PTPRD: variants seen among roughly 807,000 people sequenced by gnomAD.
The protein encoded by PTPRD is protein tyrosine phosphatase receptor type D.
PTPRD carries 34 observed loss-of-function variants against 214.5 expected under a neutral mutation model. That is an observed-to-expected ratio of 0.16 (90% CI 0.12 to 0.21). The LOEUF (loss-of-function observed/expected upper bound fraction) is 0.21. Ranked by LOEUF, PTPRD falls within the 10% of genes least tolerant of loss-of-function variation. The pLI is 1.00. For missense variants in PTPRD, 2,545 were observed against 2,398.7 expected, an observed-to-expected ratio of 1.06 and a Z score of -1.27; for synonymous variants, 1,128 against 845.7, an observed-to-expected ratio of 1.33 and a Z score of -5.79.
chr9:9,998,121 A>ATATATATATATAT (rs1326721044), intron 4 of PTPRD, among the ~76,000 whole-genome samples: 1 of 50,246 alleles, frequency 2.0e-5, no homozygotes, highest in African/African-American at 1.0e-4. Flanking sequence ...ATAATAAAAA[A>ATATATATATATAT]AAAAAAAAAT....
At chr9:8,845,630 T>G (rs114059695) in intron 11 of PTPRD, among the ~76,000 whole-genome samples, 1,524 of 151,018 alleles carry the variant, frequency 0.01, 26 homozygotes, top group African/African-American at 0.035. Context: ...AAAACAAGAT[T>G]AGATACTGCA....
intron 11 of PTPRD, among the ~76,000 whole-genome samples, chr9:9,004,025 T>C (rs1288520072): frequency 1.3e-5 from 2 of 152,106 alleles, no homozygotes; most frequent in Non-Finnish European, 2.9e-5. Context: ...CAAAGACCAA[T>C]ACTGAGTATT....
In PTPRD at chr9:9,648,696, C is replaced by A. The variant is rs138936650; in HGVS notation, c.-286-73915G>T. Among the ~76,000 whole-genome samples, 979 of 152,186 alleles carry A rather than the reference C, an allele frequency of 6.4e-3. 8 individuals are homozygous for A. The highest frequency in any genetic ancestry group is 0.023 in the African/African-American group (946 of 41,526). ...CTATATTTATTGAAAACTAATTAGCCATGAATTGCAGGGAAATTGCTTGAA... is the reference window on the plus strand; with the variant it reads ...CTATATTTATTGAAAACTAATTAGCAATGAATTGCAGGGAAATTGCTTGAA... On this transcript the variant is annotated intron_variant, in intron 7 of 45. Transcript: ENST00000381196.
intron 9 of PTPRD, among the ~76,000 whole-genome samples, chr9:9,225,945 G>T (rs1057003206): frequency 2.6e-5 from 4 of 152,066 alleles, no homozygotes; most frequent in Admixed American, 2.6e-4. Context: ...GACAGCAGCA[G>T]GAACTCCTAA....
At chr9:10,358,667 T>C (rs1160108300) in intron 2 of PTPRD, among the ~76,000 whole-genome samples, 1 of 151,978 alleles carries the variant, frequency 6.6e-6, no homozygotes, top group South Asian at 2.1e-4. Flanking sequence ...TAGCTCAGTA[T>C]ACACCATCTT....
chr9:9,552,906 C>T (rs1414862077), intron 8 of PTPRD, among the ~76,000 whole-genome samples: 1 of 152,056 alleles, frequency 6.6e-6, no homozygotes, highest in Non-Finnish European at 1.5e-5. Context: ...CACAGACAAG[C>T]TCTACTGACA....
intron 7 of PTPRD, among the ~76,000 whole-genome samples, chr9:9,643,195 T>C (rs1430854529): frequency 6.6e-6 from 1 of 152,110 alleles, no homozygotes; most frequent in Admixed American, 6.5e-5. Context: ...AGAATGTCCT[T>C]TGCAAAATCC....
chr9:9,711,842 C>T (rs140374097), intron 7 of PTPRD, among the ~76,000 whole-genome samples: 41 of 152,242 alleles, frequency 2.7e-4, no homozygotes, highest in Admixed American at 5.9e-4. Context: ...CACACAGCCT[C>T]AATAATTAGA....
intron 8 of PTPRD, among the ~76,000 whole-genome samples, chr9:9,534,916 G>T (rs922273253): frequency 6.6e-6 from 1 of 152,006 alleles, no homozygotes; most frequent in Non-Finnish European, 1.5e-5. Context: ...CGTATCTGCT[G>T]TGTGCTTACT....
intron 10 of PTPRD, among the ~76,000 whole-genome samples, chr9:9,042,360 T>G (rs1281883251): frequency 6.6e-6 from 1 of 152,162 alleles, no homozygotes; most frequent in Non-Finnish European, 1.5e-5. Context: ...GCTGCAAGAT[T>G]GGGACTAGGA....
At chr9:10,194,328 A>ATG (rs2099387318) in intron 3 of PTPRD, among the ~76,000 whole-genome samples, 1 of 55,826 alleles carries the variant, frequency 1.8e-5, no homozygotes, top group African/African-American at 6.8e-5. Context: ...ATATATATAT[A>ATG]TATATATATA....
chr9:8,747,031 G>C (rs1428929387), intron 11 of PTPRD, among the ~76,000 whole-genome samples: 2 of 152,122 alleles, frequency 1.3e-5, no homozygotes, highest in East Asian at 3.9e-4. Flanking sequence ...TTGTTATCTG[G>C]TGCAGGATCA....
At chr9:9,861,101 C>A (rs1052856465) in intron 5 of PTPRD, among the ~76,000 whole-genome samples, 6 of 152,018 alleles carry the variant, frequency 3.9e-5, no homozygotes, top group Non-Finnish European at 8.8e-5. Flanking sequence ...TTGGCTTTTG[C>A]TATTCTACAC....
At chr9:8,661,578 A>C (rs1187940433) in intron 12 of PTPRD, among the ~76,000 whole-genome samples, 1 of 152,186 alleles carries the variant, frequency 6.6e-6, no homozygotes, top group East Asian at 1.9e-4. Flanking sequence ...TAATTTTACA[A>C]CACTTGTTCC....
chr9:10,476,341 T>A (rs1208713566), intron 2 of PTPRD, among the ~76,000 whole-genome samples: 1 of 151,870 alleles, frequency 6.6e-6, no homozygotes. Flanking sequence ...ACACCAATAG[T>A]AGACAAACAG....
chr9:8,501,005 A>C lies in PTPRD; in HGVS notation c.1877T>G (p.Ile626Ser), dbSNP rs1336999621. 3.7e-6 allele frequency: 6 copies of C among 1,614,144 alleles called. No individual in the cohort carries two copies. The highest frequency in any genetic ancestry group is 5.1e-6 in the Non-Finnish European group (6 of 1,180,010). The stretch of plus-strand genomic sequence containing the variant: ...TGGTGGAGGTTGCCAACTTACCAAA[A>C]TACTAGTGGAACTTGGGCTGGTGCA... The part of the protein sequence containing the change: ...ISCTSPSSTS[I>S]LVSWQPPPVE... The change falls in exon 24 of 46, where the codon ATT (isoleucine) becomes AGT (serine). Residue 626 changes from isoleucine (I) to serine (S), a missense_variant. Physicochemically the swap from Ile to Ser is moderately radical, Grantham distance 142. Coordinates refer to ENST00000381196, the MANE Select transcript of PTPRD (RefSeq NM_002839.4).
chr9:8,836,539 A>C (rs759602041), intron 11 of PTPRD, among the ~76,000 whole-genome samples: 18 of 146,338 alleles, frequency 1.2e-4, no homozygotes, highest in Admixed American at 6.9e-4. Flanking sequence ...TTTGATACAC[A>C]TTTTTTAAAG....
intron 10 of PTPRD, among the ~76,000 whole-genome samples, chr9:9,030,656 T>C (rs1260114613): frequency 1.3e-5 from 2 of 151,918 alleles, no homozygotes; most frequent in African/African-American, 2.4e-5. Flanking sequence ...AGAATCCATA[T>C]GTCATCATTG....
chr9:10,516,536 G>A lies in PTPRD; in HGVS notation c.-600+95862C>T, dbSNP rs78413135. Among the ~76,000 whole-genome samples, 442 of 151,968 alleles carry A rather than the reference G, an allele frequency of 2.9e-3. 2 individuals carry two copies. The highest frequency in any genetic ancestry group is 6.8e-3 in the Middle Eastern group (2 of 294). On this transcript the variant is annotated intron_variant, in intron 2 of 45. Transcript: ENST00000381196. The stretch of plus-strand genomic sequence containing the variant: ...ACTCCTTAGGTTTCCTTTTCACTCT[G>A]TTGATTGCTCTCTTTGCTGTGTAAA...
Sources: allele counts gnomAD v4.1 joint callset (sites outside exome capture counted in the v4.1 genomes callset), GRCh38; gene constraint gnomAD v4.1.1; transcripts MANE v1.5; gene names NCBI Gene and HGNC (gene_info 2026-07-23, HGNC 2026-07-21).